MAPK8IP3: variants seen among roughly 807,000 people sequenced by gnomAD.
MAPK8IP3 encodes C-Jun-amino-terminal kinase-interacting protein 3.
Under a neutral mutation model 157.8 loss-of-function variants are expected in MAPK8IP3, and 49 were observed. The observed-to-expected ratio is 0.31, with a 90% CI of 0.25 to 0.39. The LOEUF (loss-of-function observed/expected upper bound fraction) is 0.39. Ranked by LOEUF, MAPK8IP3 falls within the 10% of genes least tolerant of loss-of-function variation. The probability of loss-of-function intolerance (pLI) is 1.00; values close to 1 mark genes in which losing one functional copy is unlikely to be tolerated. For missense variants in MAPK8IP3, 1,478 were observed against 1,889.4 expected, an observed-to-expected ratio of 0.78 and a Z score of 4.04; for synonymous variants, 897 against 777.7, an observed-to-expected ratio of 1.15 and a Z score of -2.55.
In MAPK8IP3 at chr16:1,742,605, A is replaced by G. The variant is rs1360820985; in HGVS notation, c.603-727A>G. On this transcript the variant is annotated intron_variant, in intron 4 of 31. Coordinates refer to ENST00000610761, the MANE Select transcript of MAPK8IP3 (RefSeq NM_001318852.2). This position sits in a 1 kb window ranked among gnomAD's most constrained non-coding sequence, Gnocchi z 5.0. ...GTAATGAGGATGGGCAGGAGGGGCC[A>G]AGGAACAAGGCACAGGGGCAGGAAG... Among the ~76,000 whole-genome samples, 3 of 152,316 alleles carry G rather than the reference A, an allele frequency of 2.0e-5. No homozygotes were observed. Among genetic ancestry groups the G allele is most frequent in the Non-Finnish European group, 4.4e-5 (3 of 68,024 alleles).
At chr16:1,739,269 C>A (rs1451331341) in intron 4 of MAPK8IP3, among the ~76,000 whole-genome samples, 1 of 74,778 alleles carries the variant, frequency 1.3e-5, no homozygotes. Flanking sequence ...TCTGTGTGAC[C>A]GTCCGTGTGA....
chr16:1,767,220 G>A lies in MAPK8IP3; in HGVS notation c.3160G>A (p.Ala1054Thr), dbSNP rs2042322270. 1.2e-6 allele frequency: 2 copies of A among 1,613,462 alleles called. No homozygotes were observed. Among genetic ancestry groups the A allele is most frequent in the Non-Finnish European group, 1.7e-6 (2 of 1,180,020 alleles). The change falls in exon 26 of 32, where the codon GCT becomes ACT. Residue 1054 changes from alanine (A) to threonine (T), a missense_variant. By Grantham distance (58) the Ala-to-Thr change is moderately conservative (BLOSUM62 0). Coordinates refer to ENST00000610761, the MANE Select transcript of MAPK8IP3 (RefSeq NM_001318852.2). ...GHPHHSIRCM[A>T]VVYDRVWCGY... ...CCCGCACCACTCCATCCGCTGCATG[G>A]CTGTTGTGTACGACCGCGTGTGGTG...
intron 12 of MAPK8IP3, 115 bp from the exon 13 acceptor site, chr16:1,761,109 G>GC: frequency 1.2e-6 from 1 of 802,558 alleles, no homozygotes; most frequent in Admixed American, 1.8e-5. Flanking sequence ...TGTGGGGAGA[G>GC]CCCCCAGCCC....
intron 1 of MAPK8IP3, among the ~76,000 whole-genome samples, chr16:1,722,830 T>A (rs917050127): frequency 2.6e-5 from 4 of 150,964 alleles, no homozygotes; most frequent in Non-Finnish European, 5.9e-5. Flanking sequence ...GCCTCCCAAG[T>A]AGCTGGGACT....
chr16:1,706,633 G>A lies in MAPK8IP3; in HGVS notation c.294G>A (p.Lys98=). 1.3e-6 allele frequency: 2 copies of A among 1,572,232 alleles called. No individual in the cohort carries two copies. The highest frequency in any genetic ancestry group is 1.7e-6 in the Non-Finnish European group (2 of 1,159,434). The change falls in exon 1 of 32, where the codon AAG becomes AAA. Residue 98 remains lysine (K), a synonymous_variant. Transcript: ENST00000610761. This position sits in a 1 kb window ranked among gnomAD's most constrained non-coding sequence, Gnocchi z 5.1. ...EQLLTQYERE[K]ALRRQAEEKF... is the part of the protein sequence containing the mutation. ...TGCTCACCCAGTACGAGCGTGAGAA[G>A]GCGCTGCGCAGGCAGGCGGAGGAGG...
chr16:1,743,657 C>T lies in MAPK8IP3; in HGVS notation c.747+181C>T. On this transcript the variant is annotated intron_variant, in intron 5 of 31. Coordinates refer to ENST00000610761, the MANE Select transcript of MAPK8IP3 (RefSeq NM_001318852.2). This position sits in a 1 kb window ranked among gnomAD's most constrained non-coding sequence, Gnocchi z 5.6. The stretch of plus-strand genomic sequence containing the variant: ...GGTGTCAGGGGCTCAGGCTGCCCAG[C>T]AGGCCCTGTGTGGCTGTGGCTGTTC... 5.6e-6 allele frequency: 8 copies of T among 1,430,764 alleles called. No individual in the cohort carries two copies. The highest frequency in any genetic ancestry group is 7.3e-6 in the Non-Finnish European group (8 of 1,100,498). 88.6% of individuals were successfully genotyped at this position (1,430,764 alleles called of 1,614,324 possible).
chr16:1,748,689 C>T lies in MAPK8IP3; in HGVS notation c.1185C>T (p.Ile395=), dbSNP rs769496083. Residue 395 remains isoleucine, a synonymous_variant, in exon 8 of 32, where the codon ATC becomes ATT. Transcript: ENST00000610761. ...TGTCGACGGCAGGGTCTGAGGTCAT[C>T]GGGGATGTGGACGAAGGGGCCGACC... ...HELSTAGSEV[I]GDVDEGADLL... is the part of the protein sequence containing the mutation. The T allele has an allele frequency of 1.4e-5, 22 of 1,614,188 alleles. No individual in the cohort carries two copies. In the South Asian group the frequency reaches 1.5e-4, roughly 11 times the overall value.
intron 11 of MAPK8IP3, 102 bp downstream of exon 11, chr16:1,760,117 C>A: frequency 7.9e-7 from 1 of 1,260,416 alleles, no homozygotes; most frequent in Non-Finnish European, 1.2e-6. Context: ...GCACCTGGCT[C>A]CAACGCCAGC....
chr16:1,728,605 G>A, intron 2 of MAPK8IP3, among the ~76,000 whole-genome samples: 1 of 146,220 alleles, frequency 6.8e-6, no homozygotes, highest in Non-Finnish European at 1.5e-5. Flanking sequence ...AGAGCTGAGT[G>A]TTCTCCCATG....
chr16:1,748,548 A>T, intron 7 of MAPK8IP3, 54 bp from the exon 8 acceptor site: 1 of 1,438,552 alleles, frequency 7.0e-7, no homozygotes, highest in Non-Finnish European at 9.8e-7. Context: ...AGACGCAGCC[A>T]CTCCGGGCTG....
chr16:1,724,445 C>T lies in MAPK8IP3; in HGVS notation c.319-112C>T, dbSNP rs1306488984. The T allele has an allele frequency of 2.8e-6, 4 of 1,422,898 alleles. No individual in the cohort carries two copies. The South Asian group carries it at 3.9e-5, about 14-fold the overall frequency. 88.1% of individuals were successfully genotyped at this position (1,422,898 alleles called of 1,614,324 possible). ...GCCTGGCCATGGGCCAGCTTGTGGC[C>T]CTGGGGACATCTTTGGCCCCTGGGC... is the stretch of plus-strand genomic sequence containing the variant. On this transcript the variant is annotated intron_variant, in intron 1 of 31. Transcript: ENST00000610761. This position sits in a 1 kb window ranked among gnomAD's most constrained non-coding sequence, Gnocchi z 4.1.
intron 13 of MAPK8IP3, among the ~76,000 whole-genome samples, chr16:1,761,974 G>A (rs2041980890): frequency 6.6e-6 from 1 of 152,184 alleles, no homozygotes; most frequent in Admixed American, 6.5e-5. Flanking sequence ...GGCACGGGCA[G>A]GGGGCCCAGG....
Position 1,710,162 on chromosome 16 carries a change from A to G in MAPK8IP3, c.318+3505A>G, listed in dbSNP as rs1205839919. Among the ~76,000 whole-genome samples the G allele has an allele frequency of 6.6e-6, 1 of 151,518 alleles. No homozygotes were observed. The highest frequency in any genetic ancestry group is 1.5e-5 in the Non-Finnish European group (1 of 67,908). On this transcript the variant is annotated intron_variant, in intron 1 of 31. Transcript: ENST00000610761. The surrounding 1 kb of genome is among the most constrained non-coding windows in gnomAD (Gnocchi z 4.1). Reference sequence around the variant, plus strand: ...GAGATGAGGTCACGCTATGTTGCCCAGGCTGGTCTCAAACTCCTGGACTCA... The same window carrying G: ...GAGATGAGGTCACGCTATGTTGCCCGGGCTGGTCTCAAACTCCTGGACTCA...
chr16:1,757,622 A>C (rs919044714), intron 8 of MAPK8IP3, among the ~76,000 whole-genome samples: 1 of 152,024 alleles, frequency 6.6e-6, no homozygotes, highest in Admixed American at 6.5e-5. Flanking sequence ...TGCCCTCCAC[A>C]GTGGGGCCCT....
chr16:1,757,763 T>TG lies in MAPK8IP3; in HGVS notation c.1217-379dup, dbSNP rs1442498599. Among the ~76,000 whole-genome samples the TG allele has an allele frequency of 5.9e-5, 9 of 152,172 alleles. No homozygotes were observed. The East Asian group carries it at 1.3e-3, about 23-fold the overall frequency. ...TCGCCGCTCTCTCCCTCGCCCACGC[T>TG]GGGGGGCTTTTGGAGACTGGGTACC... On this transcript the variant is annotated intron_variant, in intron 8 of 31. Transcript: ENST00000610761.
chr16:1,738,866 T>A (rs2040345309), intron 4 of MAPK8IP3, among the ~76,000 whole-genome samples: 3 of 123,522 alleles, frequency 2.4e-5, no homozygotes, highest in Admixed American at 8.4e-5. Context: ...AGCGTCCGTG[T>A]GAGTGTGACC....
chr16:1,734,823 C>A (rs1042995807), intron 4 of MAPK8IP3, among the ~76,000 whole-genome samples: 1 of 152,280 alleles, frequency 6.6e-6, no homozygotes, highest in Admixed American at 6.5e-5. Flanking sequence ...CAGCGCTGGG[C>A]GCCCTCCTTC....
chr16:1,753,480 GC>G (rs1324994374), intron 8 of MAPK8IP3, among the ~76,000 whole-genome samples: 1 of 150,146 alleles, frequency 6.7e-6, no homozygotes, highest in Non-Finnish European at 1.5e-5. Flanking sequence ...TTGCTCTGTT[GC>G]CCAGGCTGGA....
chr16:1,748,270 G>A lies in MAPK8IP3; in HGVS notation c.1021G>A (p.Asp341Asn). 1 of 1,613,998 alleles carries A rather than the reference G, an allele frequency of 6.2e-7. No homozygotes were observed. Among genetic ancestry groups the A allele is most frequent in the African/African-American group, 1.3e-5 (1 of 75,056 alleles). ...CATGGGCAGCAGTGACGAGTGGTCT[G>A]ATGTTCAAGACATTATTGACTCCAC... is the stretch of plus-strand genomic sequence containing the variant. ...IGMGSSDEWS[D>N]VQDIIDSTPE... The change falls in exon 7 of 32, where the codon GAT (aspartate) becomes AAT (asparagine). Residue 341 changes from aspartate to asparagine, a missense_variant. Physicochemically the swap from Asp to Asn is conservative, Grantham distance 23 (BLOSUM62 1). This residue lies in a region of MAPK8IP3 where 315 missense variants were observed against 394.4 expected (regional missense o/e 0.80). Transcript: ENST00000610761.
Sources: gnomAD v4.1 joint callset for allele counts (sites outside exome capture counted in the v4.1 genomes callset) on GRCh38, gnomAD v4.1.1 for gene constraint, gnomAD v4.1.1 regional missense constraint, Gnocchi (gnomAD v3.1) non-coding constraint, MANE v1.5 for transcripts, NCBI Gene and HGNC (gene_info 2026-07-23, HGNC 2026-07-21) for gene names.